Variants in TRPC6 observed in about 807,000 individuals in gnomAD.
TRPC6 encodes the protein short transient receptor potential channel 6.
Under a neutral mutation model 90.7 loss-of-function variants are expected in TRPC6, and 55 were observed. The ratio of observed to expected loss-of-function variants is 0.61; its 90% confidence interval spans 0.49 to 0.76. The LOEUF (loss-of-function observed/expected upper bound fraction) is 0.76, where lower values mean the gene tolerates loss of function less well. Among genes scored for constraint, TRPC6 ranks in the 30% least tolerant of loss-of-function variants. The pLI is 0.00. For synonymous variants in TRPC6, 393 were observed against 393.0 expected, an observed-to-expected ratio of 1.00 and a Z score of 0.00; for missense variants, 989 against 1,122.7, an observed-to-expected ratio of 0.88 and a Z score of 1.70.
chr11:101,580,228 T>C (rs910033484), intron 1 of TRPC6, among the ~76,000 whole-genome samples: 7 of 152,188 alleles, frequency 4.6e-5, no homozygotes, highest in Admixed American at 4.6e-4. Context: ...CTTTTTTAAA[T>C]GTCTGGGATT....
At position 101,504,636 on chromosome 11, in the gene TRPC6, G is replaced by T; in HGVS notation, c.333C>A (p.Ile111=). 6.2e-7 allele frequency: 1 copy of T among 1,611,582 alleles called. No homozygotes were observed. Among genetic ancestry groups the T allele is most frequent in the Non-Finnish European group, 8.5e-7 (1 of 1,178,190 alleles). The change falls in exon 2 of 13, where the codon ATC becomes ATA. Residue 111 remains isoleucine (I), a synonymous_variant. Coordinates refer to ENST00000344327, the MANE Select transcript of TRPC6 (RefSeq NM_004621.6). ...CTTCTAACATCTTCCGCACCACTGG[G>T]ATGTTACCATATTCAGCTGCATCCA... ...RFLDAAEYGN[I]PVVRKMLEEC...
At chr11:101,580,742 C>T (rs1407990199) in intron 1 of TRPC6, among the ~76,000 whole-genome samples, 2 of 152,050 alleles carry the variant, frequency 1.3e-5, no homozygotes, top group Non-Finnish European at 2.9e-5. Context: ...GACTTGGGAT[C>T]TTATAAGGGA....
chr11:101,536,205 G>A (rs187296263), intron 1 of TRPC6, among the ~76,000 whole-genome samples: 1 of 152,260 alleles, frequency 6.6e-6, no homozygotes, highest in East Asian at 1.9e-4. Context: ...TGGCCAACAT[G>A]GCAAAACTCT....
intron 2 of TRPC6, among the ~76,000 whole-genome samples, chr11:101,500,210 C>CTTTTTTTTTTTTTTTTTTT (rs373591780): frequency 7.3e-6 from 1 of 137,708 alleles, no homozygotes. Flanking sequence ...TATTTTTTTT[C>CTTTTTTTTTTTTTTTTTTT]TTTCTTTTTT....
chr11:101,526,900 T>TAAAAAAAAAAAAAAAAA (rs1860794749), intron 1 of TRPC6, among the ~76,000 whole-genome samples: 4 of 86,140 alleles, frequency 4.6e-5, no homozygotes, highest in African/African-American at 1.8e-4. Context: ...AAAAAAAAAT[T>TAAAAAAAAAAAAAAAAA]AAATAGTCTT....
chr11:101,535,109 T>C (rs1054260158), intron 1 of TRPC6, among the ~76,000 whole-genome samples: 2 of 151,620 alleles, frequency 1.3e-5, no homozygotes, highest in South Asian at 2.1e-4. Context: ...GAGGTTGCAG[T>C]GAGCCAAGGT....
intron 1 of TRPC6, among the ~76,000 whole-genome samples, chr11:101,580,596 C>T (rs1270444837): frequency 2.7e-5 from 2 of 74,016 alleles, no homozygotes; most frequent in Non-Finnish European, 8.7e-5. Context: ...AACTGAAGCC[C>T]CATTACTACT....
chr11:101,572,186 C>T (rs544088922), intron 1 of TRPC6, among the ~76,000 whole-genome samples: 10,949 of 152,100 alleles, frequency 0.072, 521 homozygotes, highest in East Asian at 0.11. Flanking sequence ...AAAAAACAAA[C>T]AACCCCATCA....
At chr11:101,580,734 CTTGG>C (rs1862178602) in intron 1 of TRPC6, among the ~76,000 whole-genome samples, 1 of 152,112 alleles carries the variant, frequency 6.6e-6, no homozygotes, top group African/African-American at 2.4e-5. Context: ...CTTACAAAGA[CTTGG>C]GATCTTATAA....
intron 1 of TRPC6, among the ~76,000 whole-genome samples, chr11:101,576,118 C>T (rs540016843): frequency 3.9e-5 from 6 of 152,250 alleles, no homozygotes; most frequent in South Asian, 2.1e-4. Flanking sequence ...ACTTACTGCA[C>T]ATTGTTTAAC....
At chr11:101,522,318 C>G (rs1249367472) in intron 1 of TRPC6, among the ~76,000 whole-genome samples, 1 of 152,200 alleles carries the variant, frequency 6.6e-6, no homozygotes, top group Non-Finnish European at 1.5e-5. Flanking sequence ...CCCCTTCACT[C>G]TCTTCCTCCT....
At chr11:101,583,185 G>A in intron 1 of TRPC6, 149 bp downstream of exon 1, 38 of 1,391,724 alleles carry the variant, frequency 2.7e-5, no homozygotes, top group Non-Finnish European at 3.5e-5. Flanking sequence ...TCAGGTCCCA[G>A]CCCTGGCTCT....
At chr11:101,486,858 G>A (rs550940030) in intron 4 of TRPC6, among the ~76,000 whole-genome samples, 11 of 152,204 alleles carry the variant, frequency 7.2e-5, no homozygotes. Flanking sequence ...GCATATTTAT[G>A]TTCACTGCAA....
intron 1 of TRPC6, among the ~76,000 whole-genome samples, chr11:101,505,393 A>G (rs1263935590): frequency 6.6e-6 from 1 of 152,192 alleles, no homozygotes; most frequent in Non-Finnish European, 1.5e-5. Context: ...TGATAAGCCT[A>G]TAATGGGGCA....
At chr11:101,518,950 G>A (rs953630551) in intron 1 of TRPC6, among the ~76,000 whole-genome samples, 1 of 152,192 alleles carries the variant, frequency 6.6e-6, no homozygotes, top group Non-Finnish European at 1.5e-5. Context: ...GGAAAGACAA[G>A]CTTTGCATGT....
At chr11:101,461,479 G>A (rs1859003005) in intron 10 of TRPC6, among the ~76,000 whole-genome samples, 1 of 152,130 alleles carries the variant, frequency 6.6e-6, no homozygotes. Flanking sequence ...GGTTGAGGTG[G>A]GAGGATCACC....
chr11:101,483,905 G>A (rs1029840515), intron 4 of TRPC6, among the ~76,000 whole-genome samples: 3 of 152,058 alleles, frequency 2.0e-5, no homozygotes, highest in Non-Finnish European at 4.4e-5. Context: ...TATAGTACAC[G>A]ATTCATCTCT....
rs1372399975 is a variant in TRPC6, at chr11:101,489,098, C to T, written c.1132G>A (p.Val378Ile). 7 of 1,614,098 alleles carry T rather than the reference C, an allele frequency of 4.3e-6. No homozygotes were observed. Among genetic ancestry groups the T allele is most frequent in the Non-Finnish European group, 5.9e-6 (7 of 1,179,930 alleles). ...TGCTGTTGGCAGTTTGGATGAGCTA[C>T]AAACTAGCAGGGAAGTGACAAAATA... ...LAIKYEVKKF[V>I]AHPNCQQQLL... The change falls in exon 4 of 13, where the codon GTA (valine) becomes ATA (isoleucine). Residue 378 changes from valine (V) to isoleucine (I), a missense_variant. Coordinates refer to ENST00000344327, the MANE Select transcript of TRPC6 (RefSeq NM_004621.6).
intron 5 of TRPC6, among the ~76,000 whole-genome samples, chr11:101,481,929 G>A (rs561183980): frequency 9.2e-5 from 14 of 152,200 alleles, no homozygotes; most frequent in East Asian, 1.9e-4. Context: ...TCGAGTGTGC[G>A]AGGTATTGCC....
Sources: allele counts gnomAD v4.1 joint callset (sites outside exome capture counted in the v4.1 genomes callset), GRCh38; gene constraint gnomAD v4.1.1; transcripts MANE v1.5; gene names NCBI Gene and HGNC (gene_info 2026-07-23, HGNC 2026-07-21).